Variants in MVB12B observed in about 807,000 individuals in gnomAD.
The protein encoded by MVB12B is ESCRT-I complex subunit MVB12B.
In MVB12B, 16 loss-of-function variants were observed where a neutral mutation model predicts 41.6. That is an observed-to-expected ratio of 0.38 (90% CI 0.26 to 0.58). The LOEUF (loss-of-function observed/expected upper bound fraction) is 0.58, where lower values mean the gene tolerates loss of function less well. Among genes scored for constraint, MVB12B ranks in the 20% least tolerant of loss-of-function variants. The pLI is 0.62. For synonymous variants in MVB12B, 133 were observed against 139.7 expected, an observed-to-expected ratio of 0.95 and a Z score of 0.34; for missense variants, 274 against 380.2, an observed-to-expected ratio of 0.72 and a Z score of 2.32.
At chr9:126,413,283 G>T (rs1187188507) in intron 6 of MVB12B, among the ~76,000 whole-genome samples, 2 of 152,182 alleles carry the variant, frequency 1.3e-5, no homozygotes, top group Admixed American at 1.3e-4. Flanking sequence ...CATACTCTGT[G>T]TTCAAGTCCA....
intron 9 of MVB12B, among the ~76,000 whole-genome samples, chr9:126,487,906 G>A (rs886868738): frequency 6.6e-6 from 1 of 152,342 alleles, no homozygotes; most frequent in East Asian, 1.9e-4. Context: ...TCGCTGCAGT[G>A]GAGAGCTCCA....
chr9:126,447,640 A>G (rs1030604560), intron 7 of MVB12B, among the ~76,000 whole-genome samples: 4 of 152,208 alleles, frequency 2.6e-5, no homozygotes, highest in African/African-American at 9.6e-5. Context: ...TTGAAAACAC[A>G]TCTTCTCTCT....
chr9:126,503,042 T>C, intron 9 of MVB12B, 135 bp from the exon 10 acceptor site: 1 of 790,870 alleles, frequency 1.3e-6, no homozygotes, highest in Non-Finnish European at 2.2e-6. Flanking sequence ...GGCACCGGCC[T>C]GGCCAGCTGC....
intron 7 of MVB12B, among the ~76,000 whole-genome samples, chr9:126,472,284 T>C (rs1049075702): frequency 5.9e-5 from 9 of 151,972 alleles, no homozygotes; most frequent in Non-Finnish European, 8.8e-5. Flanking sequence ...AAAATTATAG[T>C]TCCCATATGA....
At chr9:126,362,985 G>A (rs552247306) in intron 2 of MVB12B, among the ~76,000 whole-genome samples, 59 of 152,190 alleles carry the variant, frequency 3.9e-4, no homozygotes, top group African/African-American at 1.3e-3. Context: ...TCAGGAGTTC[G>A]AGACCAGCCT....
intron 4 of MVB12B, among the ~76,000 whole-genome samples, chr9:126,387,913 C>T (rs1272609999): frequency 6.6e-6 from 1 of 152,192 alleles, no homozygotes; most frequent in Non-Finnish European, 1.5e-5. Flanking sequence ...TGCTCACATA[C>T]GTCTTACTCC....
At chr9:126,342,381 C>G (rs1401953205) in intron 2 of MVB12B, among the ~76,000 whole-genome samples, 1 of 152,170 alleles carries the variant, frequency 6.6e-6, no homozygotes, top group Non-Finnish European at 1.5e-5. Context: ...TAGTGGGTGG[C>G]AGATGGCCTT....
At chr9:126,355,641 A>G (rs552614601) in intron 2 of MVB12B, among the ~76,000 whole-genome samples, 1 of 152,324 alleles carries the variant, frequency 6.6e-6, no homozygotes, top group East Asian at 1.9e-4. Flanking sequence ...TTGGGCCCCA[A>G]AGAGAGGGAT....
chr9:126,414,148 A>G (rs1831737807), intron 6 of MVB12B, among the ~76,000 whole-genome samples: 1 of 152,234 alleles, frequency 6.6e-6, no homozygotes, highest in Non-Finnish European at 1.5e-5. Context: ...CTATTGTCTC[A>G]TAATAAAATA....
At chr9:126,353,274 G>A (rs1007582548) in intron 2 of MVB12B, among the ~76,000 whole-genome samples, 1 of 152,178 alleles carries the variant, frequency 6.6e-6, no homozygotes, top group East Asian at 1.9e-4. Context: ...AATAGTGCAA[G>A]TATTATACTG....
chr9:126,503,400 G>C lies in MVB12B; in HGVS notation c.*137G>C. ...CCAGCAGGGCTGGCCCGGAGACTGG[G>C]CAGCTAAGTGGGCGCATCCTGTCTT... On this transcript the variant is annotated 3_prime_UTR_variant, in exon 10 of 10. Coordinates refer to ENST00000361171, the MANE Select transcript of MVB12B (RefSeq NM_033446.3). 1 of 692,726 alleles carries C rather than the reference G, an allele frequency of 1.4e-6. No homozygotes were observed. The highest frequency in any genetic ancestry group is 1.8e-5 in the African/African-American group (1 of 55,636). 42.9% of individuals were successfully genotyped at this position (692,726 alleles called of 1,614,324 possible). A position where few individuals can be genotyped will look rare whatever the true frequency, so the allele number is the denominator to read the frequency against.
At chr9:126,373,444 C>T (rs1830395386) in intron 2 of MVB12B, among the ~76,000 whole-genome samples, 1 of 152,248 alleles carries the variant, frequency 6.6e-6, no homozygotes, top group Admixed American at 6.5e-5. Flanking sequence ...TACCCAGAGG[C>T]CTATGAACTT....
At chr9:126,371,259 C>T (rs888793259) in intron 2 of MVB12B, among the ~76,000 whole-genome samples, 2 of 152,236 alleles carry the variant, frequency 1.3e-5, no homozygotes, top group East Asian at 1.9e-4. Flanking sequence ...ATAGCTTGGC[C>T]GTCTGGGTGC....
At chr9:126,350,104 A>C (rs1437831986) in intron 2 of MVB12B, among the ~76,000 whole-genome samples, 1 of 152,232 alleles carries the variant, frequency 6.6e-6, no homozygotes, top group Non-Finnish European at 1.5e-5. Flanking sequence ...GATGTTGAAC[A>C]TCTTTTCATG....
intron 7 of MVB12B, among the ~76,000 whole-genome samples, chr9:126,440,594 C>G (rs187846693): frequency 8.5e-5 from 13 of 152,076 alleles, no homozygotes; most frequent in African/African-American, 3.1e-4. Context: ...GCCCCTCACA[C>G]GCGTGAAACA....
intron 9 of MVB12B, among the ~76,000 whole-genome samples, chr9:126,494,668 A>G (rs1223002314): frequency 1.3e-5 from 2 of 152,212 alleles, no homozygotes; most frequent in Non-Finnish European, 2.9e-5. Context: ...AAAAATAAGC[A>G]TCAAGACAAA....
intron 1 of MVB12B, among the ~76,000 whole-genome samples, chr9:126,327,547 C>T (rs1829016646): frequency 6.6e-6 from 1 of 152,156 alleles, no homozygotes. Flanking sequence ...ACCCGAGACC[C>T]AGAGCACCCA....
At chr9:126,409,208 C>G (rs1010855099) in intron 6 of MVB12B, among the ~76,000 whole-genome samples, 19 of 151,950 alleles carry the variant, frequency 1.3e-4, no homozygotes, top group African/African-American at 4.6e-4. Context: ...TTTGATTTAG[C>G]CACACGGTGC....
rs1833519384 is a variant in MVB12B, at chr9:126,481,372, T to C, written c.761T>C (p.Met254Thr). ...QHSNLYAISA[M>T]DGVPFMISEK... is the part of the protein sequence containing the mutation. ...CTTTTTTTTTCTTCTTTTGCAGCAA[T>C]GGATGGTGTGCCTTTTATGATTTCA... Residue 254 changes from methionine to threonine, a missense_variant, in exon 8 of 10, where the codon ATG (methionine) becomes ACG (threonine). Coordinates refer to ENST00000361171, the MANE Select transcript of MVB12B (RefSeq NM_033446.3). 1 of 1,613,322 alleles carries C rather than the reference T, an allele frequency of 6.2e-7. No individual in the cohort carries two copies. Among genetic ancestry groups the C allele is most frequent in the Non-Finnish European group, 8.5e-7 (1 of 1,179,374 alleles).
Sources: gnomAD v4.1 joint callset for allele counts (sites outside exome capture counted in the v4.1 genomes callset) on GRCh38, gnomAD v4.1.1 for gene constraint, MANE v1.5 for transcripts, NCBI Gene and HGNC (gene_info 2026-07-23, HGNC 2026-07-21) for gene names.